Variants in TNS3 observed in about 807,000 individuals in gnomAD.
TNS3 encodes tensin-3.
TNS3 carries 45 observed loss-of-function variants against 140.9 expected under a neutral mutation model. The observed-to-expected ratio is 0.32, with a 90% CI of 0.25 to 0.41. The LOEUF (loss-of-function observed/expected upper bound fraction) is 0.41. TNS3 is among the 10% of genes least tolerant of loss of function. The pLI, the probability that TNS3 is intolerant of heterozygous loss-of-function variation, is 1.00. For synonymous variants in TNS3, 815 were observed against 788.4 expected (o/e 1.03, Z -0.56); for missense variants, 1,716 against 1,906.7 (o/e 0.90, Z 1.86).
chr7:47,385,554 C>T (rs1792027657), intron 16 of TNS3, among the ~76,000 whole-genome samples: 1 of 152,188 alleles, frequency 6.6e-6, no homozygotes, highest in South Asian at 2.1e-4. Context: ...GACAAGCACA[C>T]GTGGCCTCTG....
At chr7:47,552,856 C>T (rs1405591639) in intron 1 of TNS3, among the ~76,000 whole-genome samples, 1 of 152,200 alleles carries the variant, frequency 6.6e-6, no homozygotes, top group Non-Finnish European at 1.5e-5. Context: ...AAAGCCAGGC[C>T]TCTCATGCCA....
intron 16 of TNS3, among the ~76,000 whole-genome samples, chr7:47,370,202 GGAGGCA>G (rs1334245980): frequency 6.6e-6 from 1 of 152,140 alleles, no homozygotes; most frequent in African/African-American, 2.4e-5. Context: ...CTTGAACCTG[GGAGGCA>G]GAGGTTGCAG....
At chr7:47,330,569 C>T (rs1263834322) in intron 20 of TNS3, among the ~76,000 whole-genome samples, 1 of 152,064 alleles carries the variant, frequency 6.6e-6, no homozygotes, top group African/African-American at 2.4e-5. Flanking sequence ...CCTTCAAATG[C>T]AGGTGAGAGC....
In TNS3 at chr7:47,562,915, G is replaced by A. The variant is rs185008054; in HGVS notation, c.-265+19136C>T. Among the ~76,000 whole-genome samples the A allele has an allele frequency of 1.2e-3, 181 of 152,340 alleles. 1 individual carries two copies. Among genetic ancestry groups the A allele is most frequent in the African/African-American group, 4.2e-3 (175 of 41,574 alleles). On this transcript the variant is annotated intron_variant, in intron 1 of 30. Transcript: ENST00000311160. ...ATAAATCAAGGCACACGGAAGATGG[G>A]TTTCAGGACAACTCCATGAGTGCCT... is the stretch of plus-strand genomic sequence containing the variant.
At chr7:47,418,339 G>C (rs115543763) in intron 10 of TNS3, among the ~76,000 whole-genome samples, 2,021 of 152,078 alleles carry the variant, frequency 0.013, 34 homozygotes, top group African/African-American at 0.045. Context: ...GAACATAATA[G>C]GACAGAATTG....
rs182816801 is a variant in TNS3 at position 47,300,167 on chromosome 7, C to T, written c.3544+2019G>A. ...ATTGTAGCTTTTCTAGAAAAAGGCA[C>T]ATCTGACAGTTAAAATCCAAATAAA... On this transcript the variant is annotated intron_variant, in intron 23 of 30. Transcript: ENST00000311160. Among the ~76,000 whole-genome samples the T allele has an allele frequency of 3.9e-5, 6 of 152,254 alleles. No homozygotes were observed. In the East Asian group the frequency reaches 1.2e-3, roughly 29 times the overall value.
chr7:47,454,721 A>T (rs1584697872), intron 4 of TNS3, among the ~76,000 whole-genome samples: 1 of 151,780 alleles, frequency 6.6e-6, no homozygotes, highest in African/African-American at 2.4e-5. Flanking sequence ...CTCTCAAAGT[A>T]CCCCCAATGG....
chr7:47,414,915 C>G (rs1006774599), intron 11 of TNS3, among the ~76,000 whole-genome samples, 179 bp downstream of exon 11: 5 of 152,162 alleles, frequency 3.3e-5, no homozygotes, highest in Non-Finnish European at 7.4e-5. Flanking sequence ...TTGGCCCAAC[C>G]ACATAAACAT....
chr7:47,388,986 GGAA>G (rs1295865455), intron 16 of TNS3, among the ~76,000 whole-genome samples: 4 of 80,462 alleles, frequency 5.0e-5, no homozygotes, highest in African/African-American at 1.3e-4. Flanking sequence ...AAGCAGCAGA[GGAA>G]GAAGAAGAAG....
rs1562648038 is a variant in TNS3, at chr7:47,369,116, G to A, written c.1530C>T (p.Phe510=). Residue 510 remains phenylalanine (F), a synonymous_variant, in exon 17 of 31, where the codon TTC becomes TTT. Transcript: ENST00000311160. ...AGTTCTGGCTGCTCTTGTGGCAGGT[G>A]AAGGGACCCAGGTGGGCCGACTGAG... The part of the protein sequence containing the change: ...EGPQSAHLGP[F]TCHKSSQNSL... The A allele has an allele frequency of 6.2e-7, 1 of 1,613,878 alleles. No homozygotes were observed. Among genetic ancestry groups the A allele is most frequent in the Admixed American group, 1.7e-5 (1 of 60,030 alleles).
intron 3 of TNS3, among the ~76,000 whole-genome samples, chr7:47,500,001 G>A (rs2960225): frequency 0.98 from 149,387 of 152,244 alleles, 73,306 homozygotes; most frequent in East Asian, 1. Context: ...CTTTCCCCTC[G>A]ATTTTGCGGC....
chr7:47,557,555 C>T (rs1465839624), intron 1 of TNS3, among the ~76,000 whole-genome samples: 4 of 152,336 alleles, frequency 2.6e-5, no homozygotes, highest in African/African-American at 9.6e-5. Flanking sequence ...CCAGGTAAAG[C>T]ACCCATATGG....
intron 20 of TNS3, among the ~76,000 whole-genome samples, chr7:47,306,755 T>A (rs1786782024): frequency 6.6e-6 from 1 of 152,200 alleles, no homozygotes; most frequent in Non-Finnish European, 1.5e-5. Flanking sequence ...CTTTTTGTAT[T>A]TTTAGTAGAG....
chr7:47,412,582 C>A (rs1018866209), intron 12 of TNS3, among the ~76,000 whole-genome samples: 2 of 151,952 alleles, frequency 1.3e-5, no homozygotes, highest in Non-Finnish European at 2.9e-5. Context: ...CGTGCCAGAG[C>A]GAGATGCTCT....
At chr7:47,497,441 T>C (rs1371203304) in intron 3 of TNS3, among the ~76,000 whole-genome samples, 1 of 152,144 alleles carries the variant, frequency 6.6e-6, no homozygotes, top group Admixed American at 6.5e-5. Context: ...TCCTGTTTTA[T>C]AGAGGAAGAA....
intron 17 of TNS3, among the ~76,000 whole-genome samples, chr7:47,364,277 ATTTT>A (rs10566032): frequency 1.1e-4 from 12 of 110,628 alleles, no homozygotes; most frequent in African/African-American, 2.2e-4. Flanking sequence ...GTAAGCAATA[ATTTT>A]TTTTTTTTTT....
At chr7:47,565,459 C>T (rs1800409386) in intron 1 of TNS3, among the ~76,000 whole-genome samples, 1 of 151,598 alleles carries the variant, frequency 6.6e-6, no homozygotes, top group African/African-American at 2.4e-5. Flanking sequence ...CTCCACCTCC[C>T]AGGTTCAAGC....
At chr7:47,343,089 T>C (rs1789111102) in intron 20 of TNS3, among the ~76,000 whole-genome samples, 2 of 152,246 alleles carry the variant, frequency 1.3e-5, no homozygotes, top group Admixed American at 6.5e-5. Context: ...TGTGAATATG[T>C]ACATGCAGAT....
intron 13 of TNS3, among the ~76,000 whole-genome samples, chr7:47,405,747 G>C (rs1166172957): frequency 6.6e-6 from 1 of 152,152 alleles, no homozygotes; most frequent in East Asian, 1.9e-4. Context: ...CAGAGTCTCA[G>C]GAGAACACTT....
Sources: allele counts gnomAD v4.1 joint callset (sites outside exome capture counted in the v4.1 genomes callset), GRCh38; gene constraint gnomAD v4.1.1; transcripts MANE v1.5; gene names NCBI Gene and HGNC (gene_info 2026-07-23, HGNC 2026-07-21).